MACROH2A1: variants seen among roughly 807,000 people sequenced by gnomAD.
The protein encoded by MACROH2A1 is macroH2A.1 histone.
In MACROH2A1, 2 loss-of-function variants were observed where a neutral mutation model predicts 31.6. That is an observed-to-expected ratio of 0.06 (90% CI 0.03 to 0.20). The LOEUF (loss-of-function observed/expected upper bound fraction) is 0.20. MACROH2A1 is among the 10% of genes least tolerant of loss of function. The pLI is 1.00. For synonymous variants in MACROH2A1, 169 were observed against 189.6 expected (o/e 0.89, Z 0.89); for missense variants, 230 against 474.0 (o/e 0.49, Z 4.78).
intron 8 of MACROH2A1, among the ~76,000 whole-genome samples, chr5:135,335,723 T>C (rs943961465): frequency 2.0e-5 from 3 of 152,012 alleles, no homozygotes; most frequent in African/African-American, 7.3e-5. Context: ...CCAAGCCAAA[T>C]GTGTTTGAAT....
intron 2 of MACROH2A1, among the ~76,000 whole-genome samples, chr5:135,383,311 C>T (rs978753903): frequency 6.6e-6 from 1 of 152,120 alleles, no homozygotes; most frequent in Non-Finnish European, 1.5e-5. Flanking sequence ...TGTGACTGGC[C>T]GTCAATGAAG....
intron 2 of MACROH2A1, among the ~76,000 whole-genome samples, chr5:135,381,166 C>T (rs1765608459): frequency 6.6e-6 from 1 of 152,130 alleles, no homozygotes; most frequent in African/African-American, 2.4e-5. Flanking sequence ...AACTGGATAA[C>T]CATGTGAAAT....
In MACROH2A1 at chr5:135,370,415, G is replaced by A. The variant is rs116683459; in HGVS notation, c.173-273C>T. Among the ~76,000 whole-genome samples the A allele has an allele frequency of 2.6e-3, 399 of 152,306 alleles. 2 individuals are homozygous for A. The highest frequency in any genetic ancestry group is 9.0e-3 in the African/African-American group (376 of 41,552). On this transcript the variant is annotated intron_variant, in intron 2 of 8. Transcript: ENST00000511689. Reference sequence around the variant, plus strand: ...CTGAAGATCACTGAGTGAGTGAGTGGGAGGGCTGAGATCTGAACCCAGTTC... The same window carrying A: ...CTGAAGATCACTGAGTGAGTGAGTGAGAGGGCTGAGATCTGAACCCAGTTC...
rs561392701 is a variant in MACROH2A1 at position 135,353,426 on chromosome 5, C to T, written c.589-381G>A. The T allele has an allele frequency of 4.1e-5, 9 of 217,332 alleles. No homozygotes were observed. The East Asian group carries it at 8.8e-4, about 21-fold the overall frequency. The allele number at this position is 217,332 out of a possible 1,614,324, so 13.5% of individuals were successfully genotyped here. On this transcript the variant is annotated intron_variant, in intron 5 of 8. Transcript: ENST00000511689. Reference sequence around the variant, plus strand: ...GGGGGCTGGTGGATGTGACTGTCCTCATCCTTGAGCACTAGGCTGGTGCTA... The same window carrying T: ...GGGGGCTGGTGGATGTGACTGTCCTTATCCTTGAGCACTAGGCTGGTGCTA...
At chr5:135,374,894 G>A (rs1269712783) in intron 2 of MACROH2A1, among the ~76,000 whole-genome samples, 3 of 152,184 alleles carry the variant, frequency 2.0e-5, no homozygotes, top group African/African-American at 4.8e-5. Context: ...ACAATTAGGA[G>A]AAGAAACAGA....
intron 8 of MACROH2A1, chr5:135,343,007 C>T (rs200931852): frequency 4.1e-6 from 3 of 723,236 alleles, no homozygotes; most frequent in African/African-American, 3.6e-5. Context: ...GGTCCCAGTA[C>T]ACACTGGGTT....
intron 4 of MACROH2A1, chr5:135,362,958 TAA>T (rs1460285462): frequency 6.6e-6 from 1 of 152,126 alleles, no homozygotes; most frequent in Non-Finnish European, 1.5e-5. Flanking sequence ...TCACAGGACA[TAA>T]AAGTGATAGT....
intron 6 of MACROH2A1, among the ~76,000 whole-genome samples, chr5:135,347,987 G>C (rs1027733183): frequency 6.6e-6 from 1 of 152,210 alleles, no homozygotes; most frequent in African/African-American, 2.4e-5. Flanking sequence ...AAAATGGGCT[G>C]ATCTATAATT....
At chr5:135,381,954 T>C (rs1170970545) in intron 2 of MACROH2A1, among the ~76,000 whole-genome samples, 1 of 152,196 alleles carries the variant, frequency 6.6e-6, no homozygotes, top group African/African-American at 2.4e-5. Flanking sequence ...GACAGACATG[T>C]TCAAAAACCG....
At chr5:135,342,570 T>A (rs925106651) in intron 8 of MACROH2A1, among the ~76,000 whole-genome samples, 1 of 152,158 alleles carries the variant, frequency 6.6e-6, no homozygotes, top group Admixed American at 6.5e-5. Flanking sequence ...GTCCTCCGGG[T>A]ATGTGTATGT....
At position 135,342,273 on chromosome 5, in the gene MACROH2A1, C is replaced by T. The variant is rs552618518; in HGVS notation, c.953+987G>A. Among the ~76,000 whole-genome samples the T allele has an allele frequency of 1.1e-4, 16 of 152,326 alleles. No individual in the cohort carries two copies. In the East Asian group the frequency reaches 2.1e-3, roughly 20 times the overall value. On this transcript the variant is annotated intron_variant, in intron 8 of 8. Coordinates refer to ENST00000511689, the MANE Select transcript of MACROH2A1 (RefSeq NM_138610.3). The stretch of plus-strand genomic sequence containing the variant: ...AAAGCACTCTGCCTTCTAAGAGCTC[C>T]TTTAATTTCTAGAGCAACCCTGAGA...
intron 6 of MACROH2A1, among the ~76,000 whole-genome samples, chr5:135,352,292 T>A (rs1228310060): frequency 2.0e-5 from 3 of 152,218 alleles, no homozygotes; most frequent in African/African-American, 7.2e-5. Flanking sequence ...GGGGCACCTC[T>A]CAGTCTGCCC....
At chr5:135,346,890 C>T (rs1228445041) in intron 6 of MACROH2A1, 4 of 152,198 alleles carry the variant, frequency 2.6e-5, no homozygotes, top group African/African-American at 9.6e-5. Flanking sequence ...CAAACAAGAT[C>T]ACCAACACCT....
At chr5:135,341,757 A>G (rs1759913756) in intron 8 of MACROH2A1, among the ~76,000 whole-genome samples, 1 of 152,228 alleles carries the variant, frequency 6.6e-6, no homozygotes, top group Non-Finnish European at 1.5e-5. Flanking sequence ...TCTACTCTCT[A>G]TCCTCTAGAA....
chr5:135,393,338 T>C (rs987199006), intron 1 of MACROH2A1, among the ~76,000 whole-genome samples: 15 of 152,152 alleles, frequency 9.9e-5, no homozygotes, highest in African/African-American at 3.1e-4. Context: ...CCACAACTAA[T>C]TGCAAGAGAG....
At chr5:135,351,274 T>TA (rs879456632) in intron 6 of MACROH2A1, 4,884 of 147,822 alleles carry the variant, frequency 0.033, 99 homozygotes, top group Middle Eastern at 0.072. Context: ...GGCATCTGTT[T>TA]AAAAAAAAAA....
chr5:135,345,890 C>A (rs1760758663), intron 7 of MACROH2A1, 78 bp downstream of exon 7: 2 of 936,970 alleles, frequency 2.1e-6, no homozygotes, highest in South Asian at 2.6e-5. Flanking sequence ...CCTCTGAATT[C>A]TAAGCCCTCT....
chr5:135,386,648 C>T (rs1267178841), intron 2 of MACROH2A1, among the ~76,000 whole-genome samples: 3 of 152,128 alleles, frequency 2.0e-5, no homozygotes, highest in Non-Finnish European at 4.4e-5. Flanking sequence ...ACTGAGTCAA[C>T]GTCTCTAGCC....
intron 8 of MACROH2A1, 114 bp downstream of exon 8, chr5:135,343,146 T>G (rs751741451): frequency 6.3e-7 from 1 of 1,589,826 alleles, no homozygotes; most frequent in African/African-American, 1.3e-5. Context: ...TCTGGTCTCC[T>G]TGGTTAAGGC....
Sources: allele counts gnomAD v4.1 joint callset (sites outside exome capture counted in the v4.1 genomes callset), GRCh38; gene constraint gnomAD v4.1.1; transcripts MANE v1.5; gene names NCBI Gene and HGNC (gene_info 2026-07-23, HGNC 2026-07-21).